DENND2C: variants seen among roughly 807,000 people sequenced by gnomAD.
DENND2C encodes DENN domain-containing protein 2C.
DENND2C carries 72 observed loss-of-function variants against 112.4 expected under a neutral mutation model. The ratio of observed to expected loss-of-function variants is 0.64; its 90% confidence interval spans 0.53 to 0.78. DENND2C has a LOEUF of 0.78. DENND2C is among the 30% of genes least tolerant of loss of function. The pLI, the probability that DENND2C is intolerant of heterozygous loss-of-function variation, is 0.00. For missense variants in DENND2C, 992 were observed against 1,113.8 expected, an observed-to-expected ratio of 0.89 and a Z score of 1.56; for synonymous variants, 329 against 381.6, an observed-to-expected ratio of 0.86 and a Z score of 1.61.
chr1:114,625,380 T>A lies in DENND2C; in HGVS notation c.605A>T (p.Glu202Val), dbSNP rs1570784277. Residue 202 changes from glutamate (E) to valine (V), a missense_variant, in exon 4 of 21, where the codon GAA becomes GTA. By Grantham distance (121) the Glu-to-Val change is moderately radical. Around this residue, in one of 3 missense-constraint regions of DENND2C, gnomAD observed 470 missense variants for 472.7 expected, o/e 0.99. Transcript: ENST00000393274. The part of the protein sequence containing the change: ...ENIYSEPEGQ[E>V]CGPSINPLPK... ...CAAAGGATTTATGGAAGGTCCACAT[T>A]CTTGCCCCTCAGGTTCAGAGTAAAT... 4 of 1,614,176 alleles carry A rather than the reference T, an allele frequency of 2.5e-6. No individual in the cohort carries two copies. The East Asian group carries it at 8.9e-5, about 36-fold the overall frequency.
At chr1:114,637,509 G>A (rs1656690457) in intron 3 of DENND2C, among the ~76,000 whole-genome samples, 1 of 151,828 alleles carries the variant, frequency 6.6e-6, no homozygotes, top group Admixed American at 6.6e-5. Context: ...TAATGTACTG[G>A]AATATTCAAG....
intron 16 of DENND2C, among the ~76,000 whole-genome samples, chr1:114,596,664 G>A (rs1236505054): frequency 6.6e-6 from 1 of 152,160 alleles, no homozygotes; most frequent in African/African-American, 2.4e-5. Context: ...GACTTGATAA[G>A]TACTGAAGTG....
intron 3 of DENND2C, among the ~76,000 whole-genome samples, chr1:114,634,338 T>C (rs1656587259): frequency 6.6e-6 from 1 of 152,216 alleles, no homozygotes; most frequent in Admixed American, 6.5e-5. Flanking sequence ...TTTCTTTCTT[T>C]TTTTTATTTT....
chr1:114,669,938 G>C (rs904433512), intron 1 of DENND2C, 45 bp downstream of exon 1: 3 of 152,542 alleles, frequency 2.0e-5, no homozygotes, highest in African/African-American at 7.2e-5. Flanking sequence ...AGAGTCCGAA[G>C]CCCCTGCGGC....
chr1:114,616,958 G>A (rs1436660756), intron 8 of DENND2C, among the ~76,000 whole-genome samples: 1 of 152,108 alleles, frequency 6.6e-6, no homozygotes, highest in Non-Finnish European at 1.5e-5. Context: ...GAGGCAAAAG[G>A]CACTTCTTAC....
At chr1:114,611,873 T>TAGA (rs1466701712) in intron 8 of DENND2C, among the ~76,000 whole-genome samples, 4 of 150,680 alleles carry the variant, frequency 2.7e-5, no homozygotes, top group Non-Finnish European at 5.9e-5. Flanking sequence ...TAAAGCAAAA[T>TAGA]AGAAATACAA....
intron 1 of DENND2C, among the ~76,000 whole-genome samples, chr1:114,658,494 A>G (rs1408189978): frequency 2.0e-5 from 3 of 152,190 alleles, no homozygotes. Context: ...TGGTGAAGGC[A>G]GATAACAGCA....
intron 10 of DENND2C, among the ~76,000 whole-genome samples, chr1:114,607,076 G>A (rs1655677861): frequency 6.6e-6 from 1 of 152,226 alleles, no homozygotes; most frequent in Non-Finnish European, 1.5e-5. Context: ...GAAAGTGGCA[G>A]TAGTCACTGA....
chr1:114,623,009 T>C lies in DENND2C; in HGVS notation c.1034A>G (p.Lys345Arg). ...SPSAWKLPPA[K>R]SAFKAPKLPP... ...TACCTTGGGTGCTTTAAAAGCACTT[T>C]TAGCGGGTGGTAGCTTCCATGCTGA... Residue 345 changes from lysine (K) to arginine (R), a missense_variant, in exon 6 of 21, where the codon AAA becomes AGA. Around this residue, in one of 3 missense-constraint regions of DENND2C, gnomAD observed 470 missense variants for 472.7 expected, o/e 0.99. Transcript: ENST00000393274. The C allele has an allele frequency of 1.2e-6, 2 of 1,613,406 alleles. No individual in the cohort carries two copies. Among genetic ancestry groups the C allele is most frequent in the Non-Finnish European group, 1.7e-6 (2 of 1,179,634 alleles).
chr1:114,625,641 T>C lies in DENND2C; in HGVS notation c.344A>G (p.Asn115Ser), dbSNP rs1363720413. The C allele has an allele frequency of 1.9e-6, 3 of 1,614,012 alleles. No homozygotes were observed. The highest frequency in any genetic ancestry group is 1.1e-5 in the South Asian group (1 of 91,074). Residue 115 changes from asparagine (N) to serine (S), a missense_variant, in exon 4 of 21, where the codon AAC becomes AGC. By Grantham distance (46) the Asn-to-Ser change is conservative. Coordinates refer to ENST00000393274, the MANE Select transcript of DENND2C (RefSeq NM_001256404.2). The part of the protein sequence containing the change: ...THFFKNESES[N>S]WVCSRVKEIE... ...TTCTTTGACCCGAGAACATACCCAG[T>C]TGGATTCTGATTCATTTTTAAAGAA... is the stretch of plus-strand genomic sequence containing the variant.
chr1:114,629,627 C>T (rs1420652949), intron 3 of DENND2C, among the ~76,000 whole-genome samples: 2 of 152,218 alleles, frequency 1.3e-5, no homozygotes, highest in African/African-American at 4.8e-5. Context: ...GGAGATGACT[C>T]TTAATCATGT....
intron 5 of DENND2C, 149 bp from the exon 6 acceptor site, chr1:114,623,248 T>A: frequency 1.4e-6 from 1 of 740,396 alleles, no homozygotes. Flanking sequence ...AACAGCAATT[T>A]AAGCTTATGG....
chr1:114,641,809 AAGCCAACTGC>A (rs1656843722), intron 3 of DENND2C, among the ~76,000 whole-genome samples: 1 of 152,182 alleles, frequency 6.6e-6, no homozygotes, highest in Non-Finnish European at 1.5e-5. Flanking sequence ...CAATTGGGAA[AAGCCAACTGC>A]ACAGTTTTAA....
At chr1:114,603,736 T>G (rs1220331688) in intron 11 of DENND2C, among the ~76,000 whole-genome samples, 1 of 151,842 alleles carries the variant, frequency 6.6e-6, no homozygotes, top group Non-Finnish European at 1.5e-5. Context: ...AGACAGGGAC[T>G]TGCTATGTTG....
chr1:114,584,260 T>TCTTTTTTCTTTTC lies in DENND2C; in HGVS notation c.*1327_*1339dup, dbSNP rs965346871. 1 of 152,172 alleles carries TCTTTTTTCTTTTC rather than the reference T, an allele frequency of 6.6e-6. No homozygotes were observed. Among genetic ancestry groups the TCTTTTTTCTTTTC allele is most frequent in the African/African-American group, 2.4e-5 (1 of 41,418 alleles). The allele number at this position is 152,172 out of a possible 1,614,324, so 9.4% of individuals were successfully genotyped here. A position where few individuals can be genotyped will look rare whatever the true frequency, so the allele number is the denominator to read the frequency against. On this transcript the variant is annotated 3_prime_UTR_variant, in exon 21 of 21. Transcript: ENST00000393274. ...TTTAACTTCTTTGAATTTGTTTTTT[T>TCTTTTTTCTTTTC]CTTTTTTCTTTTCCTTTTTTCTTTT...
intron 11 of DENND2C, among the ~76,000 whole-genome samples, chr1:114,603,290 C>A (rs2101649984): frequency 6.6e-6 from 1 of 151,378 alleles, no homozygotes; most frequent in Admixed American, 6.6e-5. Context: ...CAGGCATGTG[C>A]CATCACACCC....
intron 18 of DENND2C, among the ~76,000 whole-genome samples, chr1:114,592,546 C>T (rs889855964): frequency 2.0e-5 from 3 of 151,870 alleles, no homozygotes; most frequent in African/African-American, 4.8e-5. Flanking sequence ...CGTGAAAGCC[C>T]GTCTCTACAA....
chr1:114,605,031 C>A lies in DENND2C; in HGVS notation c.1558G>T (p.Asp520Tyr). ...TTGGACTGCTTATAGCCATGATCATCCTGAAAAAGATAACACCATAGGTGA... is the reference window on the plus strand; with the variant it reads ...TTGGACTGCTTATAGCCATGATCATACTGAAAAAGATAACACCATAGGTGA... ...PQVIQQFPGK[D>Y]DHGYKQSKDM... Residue 520 changes from aspartate (D) to tyrosine (Y), a missense_variant and splice_region_variant, in exon 11 of 21, where the codon GAT becomes TAT. Asp to Tyr is a radical substitution (Grantham distance 160). Transcript: ENST00000393274. The A allele has an allele frequency of 6.2e-7, 1 of 1,606,726 alleles. No homozygotes were observed. The highest frequency in any genetic ancestry group is 1.1e-5 in the South Asian group (1 of 90,508).
At chr1:114,668,621 A>G (rs1657708337) in intron 1 of DENND2C, among the ~76,000 whole-genome samples, 1 of 151,980 alleles carries the variant, frequency 6.6e-6, no homozygotes, top group African/African-American at 2.4e-5. Flanking sequence ...CAAACTCAGA[A>G]CAGGCCTACA....
Sources: gnomAD v4.1 joint callset for allele counts (sites outside exome capture counted in the v4.1 genomes callset) on GRCh38, gnomAD v4.1.1 for gene constraint, gnomAD v4.1.1 regional missense constraint, MANE v1.5 for transcripts, NCBI Gene and HGNC (gene_info 2026-07-23, HGNC 2026-07-21) for gene names.